Variants in SAMMSON observed in about 807,000 individuals in gnomAD.
The protein encoded by SAMMSON is long intergenic non-protein coding RNA 1212.
At chr3:70,174,898 A>G (rs1047726826) in intron 4 of SAMMSON, among the ~76,000 whole-genome samples, 3 of 152,088 alleles carry the variant, frequency 2.0e-5, no homozygotes, top group Non-Finnish European at 4.4e-5. Context: ...TTTCATGTAC[A>G]GTTTATTTCC....
intron 2 of SAMMSON, among the ~76,000 whole-genome samples, chr3:70,400,268 A>G (rs1024347652): frequency 1.3e-5 from 2 of 152,148 alleles, no homozygotes; most frequent in Non-Finnish European, 2.9e-5. Context: ...TTGACCCTGA[A>G]GATATTAGAA....
intron 3 of SAMMSON, among the ~76,000 whole-genome samples, chr3:70,022,426 CAAAAAAAA>C (rs60455629): frequency 1.3e-4 from 12 of 91,120 alleles, no homozygotes; most frequent in Middle Eastern, 6.0e-3. Flanking sequence ...AGTATAATAA[CAAAAAAAA>C]AAAAAAAAAA....
At chr3:70,082,010 G>A (rs1488400107) in intron 4 of SAMMSON, among the ~76,000 whole-genome samples, 1 of 152,220 alleles carries the variant, frequency 6.6e-6, no homozygotes, top group East Asian at 1.9e-4. Context: ...CATCAGAGCT[G>A]TTGTGCAGGT....
chr3:70,399,426 A>T (rs1330647952), intron 2 of SAMMSON, among the ~76,000 whole-genome samples: 1 of 152,160 alleles, frequency 6.6e-6, no homozygotes, highest in Non-Finnish European at 1.5e-5. Context: ...AGTGGACATG[A>T]CCGTATTTTA....
intron 7 of SAMMSON, among the ~76,000 whole-genome samples, chr3:70,295,672 A>T (rs1358993637): frequency 6.6e-6 from 1 of 152,158 alleles, no homozygotes; most frequent in Non-Finnish European, 1.5e-5. Flanking sequence ...AGCTTGAGTG[A>T]CAGTGTGAGA....
intron 9 of SAMMSON, among the ~76,000 whole-genome samples, chr3:70,372,098 AT>A (rs1163732893): frequency 5.3e-5 from 8 of 151,936 alleles, no homozygotes; most frequent in African/African-American, 1.9e-4. Context: ...ATCATCAGAA[AT>A]TTTTTTCTTC....
At chr3:70,356,519 G>T (rs1323795757) in intron 8 of SAMMSON, among the ~76,000 whole-genome samples, 1 of 151,962 alleles carries the variant, frequency 6.6e-6, no homozygotes, top group African/African-American at 2.4e-5. Flanking sequence ...CTGGTTACAA[G>T]TCCCACCAGT....
chr3:70,406,529 A>G (rs1041235157), intron 2 of SAMMSON, among the ~76,000 whole-genome samples: 2 of 152,204 alleles, frequency 1.3e-5, no homozygotes, highest in Non-Finnish European at 2.9e-5. Context: ...AATAGCAACC[A>G]TATATTAGGA....
intron 4 of SAMMSON, among the ~76,000 whole-genome samples, chr3:70,077,508 C>G (rs2067252058): frequency 6.6e-6 from 1 of 152,158 alleles, no homozygotes; most frequent in South Asian, 2.1e-4. Flanking sequence ...CATACACAGG[C>G]AGTTTCAGCT....
intron 9 of SAMMSON, among the ~76,000 whole-genome samples, chr3:70,377,590 T>G (rs1703028825): frequency 6.6e-6 from 1 of 152,098 alleles, no homozygotes; most frequent in African/African-American, 2.4e-5. Flanking sequence ...AGGAGAGTAA[T>G]TTAAGCAATT....
intron 4 of SAMMSON, among the ~76,000 whole-genome samples, chr3:70,076,548 TG>T (rs2067249207): frequency 6.6e-6 from 1 of 152,180 alleles, no homozygotes; most frequent in Non-Finnish European, 1.5e-5. Flanking sequence ...TTAGCGTGTG[TG>T]TGGTTCAGTG....
At chr3:70,111,507 T>C (rs574831626) in intron 4 of SAMMSON, among the ~76,000 whole-genome samples, 17 of 152,216 alleles carry the variant, frequency 1.1e-4, no homozygotes, top group African/African-American at 4.1e-4. Flanking sequence ...TCATAATGCA[T>C]AGGACTCCCA....
intron 7 of SAMMSON, among the ~76,000 whole-genome samples, chr3:70,344,965 A>G (rs928517446): frequency 1.3e-5 from 2 of 152,192 alleles, no homozygotes; most frequent in African/African-American, 4.8e-5. Context: ...TGTATTAATT[A>G]TTACTTGGAT....
intron 7 of SAMMSON, among the ~76,000 whole-genome samples, chr3:70,321,349 A>G (rs1351833508): frequency 3.3e-5 from 5 of 152,076 alleles, no homozygotes; most frequent in Non-Finnish European, 5.9e-5. Flanking sequence ...ATTATACAGT[A>G]TGTATTCTTT....
intron 7 of SAMMSON, among the ~76,000 whole-genome samples, chr3:70,341,901 G>T (rs1702714023): frequency 6.6e-6 from 1 of 152,108 alleles, no homozygotes; most frequent in South Asian, 2.1e-4. Context: ...ATTTACAATA[G>T]ATCAGTAATA....
intron 4 of SAMMSON, among the ~76,000 whole-genome samples, chr3:70,107,587 G>T (rs1186232658): frequency 6.9e-6 from 1 of 145,510 alleles, no homozygotes; most frequent in Non-Finnish European, 1.5e-5. Flanking sequence ...TCTACTTTCC[G>T]AATTTCTTCC....
intron 3 of SAMMSON, chr3:70,014,979 T>G (rs1009116258): frequency 6.6e-6 from 1 of 152,162 alleles, no homozygotes. Context: ...AGAGCAAATT[T>G]AGATGTAAAA....
chr3:70,194,676 G>T (rs1242202690), intron 4 of SAMMSON, among the ~76,000 whole-genome samples: 2 of 152,298 alleles, frequency 1.3e-5, no homozygotes, highest in East Asian at 3.9e-4. Context: ...TGATTTTTAT[G>T]TCTCTAATTG....
At chr3:70,349,109 T>C (rs974795126) in intron 7 of SAMMSON, among the ~76,000 whole-genome samples, 2 of 152,102 alleles carry the variant, frequency 1.3e-5, no homozygotes, top group Non-Finnish European at 2.9e-5. Flanking sequence ...CCACAGTGGT[T>C]CATGCCTGTA....
Sources: allele counts gnomAD v4.1 joint callset (sites outside exome capture counted in the v4.1 genomes callset), GRCh38; gene constraint gnomAD v4.1.1; transcripts MANE v1.5; gene names NCBI Gene and HGNC (gene_info 2026-07-23, HGNC 2026-07-21).